Variants in MYO3A observed in about 807,000 individuals in gnomAD.
MYO3A encodes the protein myosin IIIA.
Under a neutral mutation model 192.7 loss-of-function variants are expected in MYO3A, and 180 were observed. That is an observed-to-expected ratio of 0.93 (90% CI 0.83 to 1.06). The LOEUF (loss-of-function observed/expected upper bound fraction) is 1.06, where lower values mean the gene tolerates loss of function less well. Ranked by LOEUF, MYO3A falls within the 50% of genes least tolerant of loss-of-function variation. The pLI is 0.00. For missense variants in MYO3A, 1,896 were observed against 1,905.0 expected (o/e 1.00, Z 0.09); for synonymous variants, 628 against 645.3 (o/e 0.97, Z 0.41).
At position 26,096,698 on chromosome 10, in the gene MYO3A, A is replaced by G. The variant is rs751676943; in HGVS notation, c.1776+16A>G. 4 of 1,484,278 alleles carry G rather than the reference A, an allele frequency of 2.7e-6. No individual in the cohort carries two copies. The highest frequency in any genetic ancestry group is 3.8e-6 in the Non-Finnish European group (4 of 1,062,016). 91.9% of individuals were successfully genotyped at this position (1,484,278 alleles called of 1,614,324 possible). A position where few individuals can be genotyped will look rare whatever the true frequency, so the allele number is the denominator to read the frequency against. On this transcript the variant is annotated intron_variant, in intron 17 of 34. Transcript: ENST00000642920. ...TACAATGGAGGTAAGTATGAAAGAC[A>G]CTTGAACTTCTTTAGAAAGTATCTT...
chr10:26,133,936 G>C (rs1191221491), intron 20 of MYO3A, among the ~76,000 whole-genome samples: 1 of 152,158 alleles, frequency 6.6e-6, no homozygotes, highest in Non-Finnish European at 1.5e-5. Flanking sequence ...ATAGTTTAAG[G>C]TGAAAGAGAT....
intron 4 of MYO3A, among the ~76,000 whole-genome samples, chr10:25,969,347 A>G (rs145107205): frequency 1.6e-3 from 237 of 152,320 alleles, no homozygotes; most frequent in African/African-American, 5.4e-3. Context: ...GTTAAACTTG[A>G]TCATAGGATA....
intron 28 of MYO3A, among the ~76,000 whole-genome samples, chr10:26,170,001 T>C (rs1841967461): frequency 6.6e-6 from 1 of 152,248 alleles, no homozygotes; most frequent in Non-Finnish European, 1.5e-5. Flanking sequence ...ATTTGCTCTG[T>C]ATTAACTTTC....
chr10:26,049,678 T>C (rs1312493455), intron 10 of MYO3A, among the ~76,000 whole-genome samples: 2 of 110,060 alleles, frequency 1.8e-5, no homozygotes, highest in African/African-American at 3.5e-5. Flanking sequence ...TCTTTCTTTT[T>C]TTTTTTTTTT....
chr10:25,947,960 T>G (rs1017628602), intron 2 of MYO3A, among the ~76,000 whole-genome samples: 20 of 152,124 alleles, frequency 1.3e-4, no homozygotes, highest in Non-Finnish European at 1.3e-4. Context: ...TGTTAGGAAG[T>G]GATAAGTGTT....
chr10:26,000,987 G>T (rs1340822986), intron 6 of MYO3A, among the ~76,000 whole-genome samples: 1 of 152,090 alleles, frequency 6.6e-6, no homozygotes, highest in Non-Finnish European at 1.5e-5. Flanking sequence ...GATGGGGGAA[G>T]GGCTACACAC....
At chr10:26,082,015 A>G (rs1835990698) in intron 14 of MYO3A, among the ~76,000 whole-genome samples, 1 of 152,180 alleles carries the variant, frequency 6.6e-6, no homozygotes, top group Non-Finnish European at 1.5e-5. Context: ...ATCTGGAGCT[A>G]AAATTCACAA....
Position 26,004,374 on chromosome 10 carries a change from G to A in MYO3A, c.508+7116G>A, listed in dbSNP as rs180889220. 4.6e-5 allele frequency among the ~76,000 whole-genome samples: 7 copies of A among 152,026 alleles called. No homozygotes were observed. The East Asian group carries it at 7.7e-4, about 17-fold the overall frequency. On this transcript the variant is annotated intron_variant, in intron 6 of 34. Transcript: ENST00000642920. Reference sequence around the variant, plus strand: ...TGTTACAGAAAAGAATTATAGTGATGTTGGGTTGGAATTGGAGGTATCAAT... The same window carrying A: ...TGTTACAGAAAAGAATTATAGTGATATTGGGTTGGAATTGGAGGTATCAAT...
chr10:26,113,892 TC>T (rs1206769159), intron 17 of MYO3A, among the ~76,000 whole-genome samples: 2 of 152,252 alleles, frequency 1.3e-5, no homozygotes, highest in Admixed American at 1.3e-4. Flanking sequence ...GCATTTAATT[TC>T]CTTCTAGTTT....
At chr10:26,089,717 C>G (rs1836577220) in intron 15 of MYO3A, among the ~76,000 whole-genome samples, 1 of 152,102 alleles carries the variant, frequency 6.6e-6, no homozygotes, top group Admixed American at 6.6e-5. Flanking sequence ...CTTACAGGAT[C>G]TTGGCTCTGT....
chr10:26,119,999 C>CCA (rs1838756721), intron 17 of MYO3A, among the ~76,000 whole-genome samples: 2 of 109,486 alleles, frequency 1.8e-5, no homozygotes, highest in Non-Finnish European at 4.0e-5. Context: ...CTATAAAATA[C>CCA]CAAAAAAAAA....
intron 2 of MYO3A, among the ~76,000 whole-genome samples, chr10:25,946,877 CAAAAAAAAAAA>C (rs34045169): frequency 4.0e-5 from 2 of 50,148 alleles, no homozygotes; most frequent in East Asian, 1.5e-3. Context: ...GACTCCGTCT[CAAAAAAAAAAA>C]AAAAAAAAAA....
At chr10:25,938,046 A>G (rs1397488182) in intron 2 of MYO3A, among the ~76,000 whole-genome samples, 3 of 152,218 alleles carry the variant, frequency 2.0e-5, no homozygotes, top group African/African-American at 4.8e-5. Flanking sequence ...GATTCAGACT[A>G]GTGTTTTACA....
At position 25,949,865 on chromosome 10, in the gene MYO3A, G is replaced by A. The variant is rs7090388; in HGVS notation, c.-17-2229G>A. On this transcript the variant is annotated intron_variant, in intron 2 of 34. Transcript: ENST00000642920. ...ACATTTACCGTATTTTCTAGGTACAGAGTAAGGCCAAATCTATTATTAGAT... is the reference window on the plus strand; with the variant it reads ...ACATTTACCGTATTTTCTAGGTACAAAGTAAGGCCAAATCTATTATTAGAT... Among the ~76,000 whole-genome samples the A allele has an allele frequency of 5.9e-3, 897 of 152,206 alleles. 7 individuals carry two copies. Among genetic ancestry groups the A allele is most frequent in the African/African-American group, 0.02 (849 of 41,542 alleles).
At chr10:26,132,431 T>C (rs994273957) in intron 20 of MYO3A, among the ~76,000 whole-genome samples, 1 of 152,186 alleles carries the variant, frequency 6.6e-6, no homozygotes, top group African/African-American at 2.4e-5. Flanking sequence ...AAGTTTATAC[T>C]TCAAATCAAG....
At chr10:26,098,726 G>A (rs1283002458) in intron 17 of MYO3A, among the ~76,000 whole-genome samples, 2 of 152,134 alleles carry the variant, frequency 1.3e-5, no homozygotes, top group Non-Finnish European at 2.9e-5. Context: ...GGTTGTAGAT[G>A]TGTGGTATTA....
chr10:25,988,181 A>G (rs1839772146), intron 4 of MYO3A, among the ~76,000 whole-genome samples: 1 of 152,074 alleles, frequency 6.6e-6, no homozygotes, highest in Non-Finnish European at 1.5e-5. Flanking sequence ...AAGGCGTAAG[A>G]ATGATACACT....
chr10:26,032,012 A>G (rs1391315702), intron 10 of MYO3A, among the ~76,000 whole-genome samples: 1 of 152,230 alleles, frequency 6.6e-6, no homozygotes, highest in Non-Finnish European at 1.5e-5. Flanking sequence ...TTTGTGTTTT[A>G]TATACAATGC....
intron 6 of MYO3A, among the ~76,000 whole-genome samples, chr10:25,998,708 A>G (rs568967654): frequency 7.1e-4 from 108 of 152,292 alleles, no homozygotes; most frequent in Admixed American, 3.4e-3. Context: ...AAAAATAGAT[A>G]CAGTAAGTAT....
Sources: gnomAD v4.1 joint callset for allele counts (sites outside exome capture counted in the v4.1 genomes callset) on GRCh38, gnomAD v4.1.1 for gene constraint, MANE v1.5 for transcripts, NCBI Gene and HGNC (gene_info 2026-07-23, HGNC 2026-07-21) for gene names.